Variants in CCDC102B observed in about 807,000 individuals in gnomAD.
The protein encoded by CCDC102B is coiled-coil domain containing 102B.
In CCDC102B, 75 loss-of-function variants were observed where a neutral mutation model predicts 57.4. The observed-to-expected ratio is 1.31, with a 90% CI of 1.08 to 1.58. The LOEUF (loss-of-function observed/expected upper bound fraction) is 1.58, where lower values mean the gene tolerates loss of function less well. Among genes scored for constraint, CCDC102B ranks in the 40% most tolerant of loss-of-function variants. CCDC102B has a pLI of 0.00. For missense variants in CCDC102B, 636 were observed against 582.6 expected, an observed-to-expected ratio of 1.09 and a Z score of -0.94; for synonymous variants, 206 against 201.9, an observed-to-expected ratio of 1.02 and a Z score of -0.17.
intron 2 of CCDC102B, among the ~76,000 whole-genome samples, chr18:68,790,294 C>T (rs1054850291): frequency 6.7e-6 from 1 of 149,412 alleles, no homozygotes; most frequent in African/African-American, 2.5e-5. Flanking sequence ...TTTGTCTGTG[C>T]CCTGCCCCCA....
intron 1 of CCDC102B, among the ~76,000 whole-genome samples, chr18:68,804,146 C>A (rs1395986342): frequency 6.6e-6 from 1 of 152,172 alleles, no homozygotes; most frequent in Non-Finnish European, 1.5e-5. Context: ...CCTGCCAGAA[C>A]TGATGGAGTT....
At chr18:68,824,882 T>A (rs2144749181) in intron 1 of CCDC102B, among the ~76,000 whole-genome samples, 1 of 152,316 alleles carries the variant, frequency 6.6e-6, no homozygotes, top group East Asian at 1.9e-4. Flanking sequence ...ATACACACTG[T>A]CATCACACAG....
At position 68,873,447 on chromosome 18, in the gene CCDC102B, T is replaced by C. The variant is rs190253588; in HGVS notation, c.937-1222T>C. Among the ~76,000 whole-genome samples the C allele has an allele frequency of 4.9e-3, 750 of 152,278 alleles. 2 individuals carry two copies. The highest frequency in any genetic ancestry group is 0.011 in the Admixed American group (164 of 15,282). ...TCAATGGCCTTTAGGTTTATAATTA[T>C]AGATGCAATAATGGTTTAACACTCA... On this transcript the variant is annotated intron_variant, in intron 4 of 7. Coordinates refer to ENST00000360242, the MANE Select transcript of CCDC102B (RefSeq NM_024781.3).
chr18:68,808,498 G>A (rs1355397956), intron 1 of CCDC102B, among the ~76,000 whole-genome samples: 6 of 103,794 alleles, frequency 5.8e-5, no homozygotes, highest in Non-Finnish European at 1.1e-4. Flanking sequence ...TTTTTTGTGA[G>A]ACAGAGTCTC....
intron 6 of CCDC102B, among the ~76,000 whole-genome samples, chr18:68,972,061 A>T (rs1360118746): frequency 6.6e-6 from 1 of 152,150 alleles, no homozygotes; most frequent in African/African-American, 2.4e-5. Context: ...TTACAAAAAG[A>T]AAGTCACTAG....
chr18:68,960,290 C>T (rs559716346), intron 6 of CCDC102B, among the ~76,000 whole-genome samples: 317 of 152,250 alleles, frequency 2.1e-3, no homozygotes, highest in Non-Finnish European at 3.7e-3. Context: ...AATTATGAAT[C>T]CTCACCAGCA....
chr18:68,935,078 A>G (rs2041798433), intron 6 of CCDC102B, among the ~76,000 whole-genome samples: 1 of 151,922 alleles, frequency 6.6e-6, no homozygotes, highest in African/African-American at 2.4e-5. Context: ...GATAATCAGA[A>G]AAGACCGCAT....
intron 1 of CCDC102B, among the ~76,000 whole-genome samples, chr18:68,820,179 G>A (rs2036638557): frequency 6.6e-6 from 1 of 151,850 alleles, no homozygotes; most frequent in Admixed American, 6.6e-5. Flanking sequence ...AAATTAAAGG[G>A]GATCGCTTTA....
chr18:68,734,020 G>C (rs1323394721), intron 2 of CCDC102B, among the ~76,000 whole-genome samples: 1 of 152,144 alleles, frequency 6.6e-6, no homozygotes, highest in African/African-American at 2.4e-5. Flanking sequence ...ACGTTATTTA[G>C]AATGAAGATT....
At chr18:68,839,942 G>A (rs993268230) in intron 3 of CCDC102B, among the ~76,000 whole-genome samples, 4 of 152,136 alleles carry the variant, frequency 2.6e-5, no homozygotes, top group Admixed American at 2.0e-4. Flanking sequence ...TTTATAATAA[G>A]GGTGTGTGGG....
intron 6 of CCDC102B, among the ~76,000 whole-genome samples, chr18:68,964,135 G>A (rs2050113533): frequency 6.6e-6 from 1 of 151,814 alleles, no homozygotes; most frequent in Non-Finnish European, 1.5e-5. Context: ...CAATGAGTCA[G>A]ATATTTAAGG....
At chr18:68,786,088 C>G (rs963317084) in intron 2 of CCDC102B, among the ~76,000 whole-genome samples, 1 of 149,960 alleles carries the variant, frequency 6.7e-6, no homozygotes, top group African/African-American at 2.5e-5. Context: ...AACAGGGAAT[C>G]CTTTCCCCAT....
At chr18:68,828,194 G>A (rs2036983665) in intron 1 of CCDC102B, among the ~76,000 whole-genome samples, 1 of 151,590 alleles carries the variant, frequency 6.6e-6, no homozygotes, top group Non-Finnish European at 1.5e-5. Context: ...CAGAGGTATA[G>A]AGAATCTGAA....
intron 2 of CCDC102B, among the ~76,000 whole-genome samples, chr18:68,751,508 C>T (rs945333339): frequency 6.6e-6 from 1 of 151,904 alleles, no homozygotes; most frequent in African/African-American, 2.4e-5. Flanking sequence ...AAAACCAGAG[C>T]CCTGAATAGA....
intron 6 of CCDC102B, among the ~76,000 whole-genome samples, chr18:68,974,729 T>C (rs532007224): frequency 6.6e-6 from 1 of 152,000 alleles, no homozygotes; most frequent in South Asian, 2.1e-4. Context: ...TAAATTTGAA[T>C]ATATGTACAA....
chr18:68,753,465 C>G (rs2033938408), intron 2 of CCDC102B: 2 of 152,072 alleles, frequency 1.3e-5, no homozygotes, highest in African/African-American at 4.8e-5. Context: ...CAACCACTTC[C>G]ACTCATATGA....
chr18:68,763,935 C>A (rs1383969687), intron 2 of CCDC102B, among the ~76,000 whole-genome samples: 1 of 152,028 alleles, frequency 6.6e-6, no homozygotes, highest in Non-Finnish European at 1.5e-5. Context: ...TGTGCCTAAA[C>A]AATGCATTAG....
At chr18:68,752,697 G>T (rs890394255) in intron 2 of CCDC102B, among the ~76,000 whole-genome samples, 5 of 152,090 alleles carry the variant, frequency 3.3e-5, no homozygotes, top group African/African-American at 1.2e-4. Flanking sequence ...ATTGTTTTCA[G>T]TGCCAACAGT....
intron 6 of CCDC102B, among the ~76,000 whole-genome samples, chr18:68,931,053 A>T (rs959510639): frequency 1.3e-5 from 2 of 151,944 alleles, no homozygotes; most frequent in Admixed American, 6.6e-5. Flanking sequence ...TTACATTACA[A>T]TAACATTAGA....
Sources: allele counts gnomAD v4.1 joint callset (sites outside exome capture counted in the v4.1 genomes callset), GRCh38; gene constraint gnomAD v4.1.1; transcripts MANE v1.5; gene names NCBI Gene and HGNC (gene_info 2026-07-23, HGNC 2026-07-21).